Variants in CD3E observed in about 807,000 individuals in gnomAD.
CD3E encodes the protein T-cell surface glycoprotein CD3 epsilon chain.
Under a neutral mutation model 34.7 loss-of-function variants are expected in CD3E, and 16 were observed. That is an observed-to-expected ratio of 0.46 (90% CI 0.31 to 0.70). CD3E has a LOEUF of 0.70. Ranked by LOEUF, CD3E falls within the 30% of genes least tolerant of loss-of-function variation. CD3E has a pLI of 0.05. For missense variants in CD3E, 223 were observed against 253.9 expected, an observed-to-expected ratio of 0.88 and a Z score of 0.83; for synonymous variants, 70 against 90.8, an observed-to-expected ratio of 0.77 and a Z score of 1.30.
At chr11:118,313,589 C>T (rs1282869987) in intron 6 of CD3E, 118 bp from the exon 7 acceptor site, 3 of 922,648 alleles carry the variant, frequency 3.3e-6, no homozygotes, top group Admixed American at 1.9e-5. Flanking sequence ...GGGCTCTGAC[C>T]GTGGCAAGCG....
Position 118,315,699 on chromosome 11 carries a change from T to C in CD3E, c.*157T>C. 1 of 692,312 alleles carries C rather than the reference T, an allele frequency of 1.4e-6. No homozygotes were observed. The highest frequency in any genetic ancestry group is 2.6e-6 in the Non-Finnish European group (1 of 383,160). 42.9% of individuals were successfully genotyped at this position (692,312 alleles called of 1,614,324 possible). The stretch of plus-strand genomic sequence containing the variant: ...TCCAGCCTGATCCCCCGCTCCCTCC[T>C]CCCTGCCTTCTCTGCTGGTACCCAG... On this transcript the variant is annotated 3_prime_UTR_variant, in exon 9 of 9. Coordinates refer to ENST00000361763, the MANE Select transcript of CD3E (RefSeq NM_000733.4).
In CD3E at chr11:118,312,617, G is replaced by A. The variant is rs1174320977; in HGVS notation, c.104-1G>A. 1 of 1,613,956 alleles carries A rather than the reference G, an allele frequency of 6.2e-7. No homozygotes were observed. The highest frequency in any genetic ancestry group is 8.5e-7 in the Non-Finnish European group (1 of 1,180,026). ...TGCCAATTTCCCTTCTTTCTCCCCA[G>A]CATATAAAGTCTCCATCTCTGGAAC... On this transcript the variant is annotated splice_acceptor_variant, in intron 5 of 8. Coordinates refer to ENST00000361763, the MANE Select transcript of CD3E (RefSeq NM_000733.4). LOFTEE classifies it high-confidence loss of function.
intron 8 of CD3E, 34 bp downstream of exon 8, chr11:118,314,528 A>G: frequency 6.2e-7 from 1 of 1,601,510 alleles, no homozygotes. Flanking sequence ...AGGACGCTGG[A>G]GGGGATGTCC....
chr11:118,316,156 A>T lies in CD3E; in HGVS notation c.*614A>T, dbSNP rs1400420942. ...TCCTCAGCTGAGAGAGAAAAAAATA[A>T]ACTGTATTTGGCTGCAAGAGTTGCT... is the stretch of plus-strand genomic sequence containing the variant. On this transcript the variant is annotated 3_prime_UTR_variant, in exon 9 of 9. Coordinates refer to ENST00000361763, the MANE Select transcript of CD3E (RefSeq NM_000733.4). 6.5e-5 allele frequency: 10 copies of T among 154,408 alleles called. No individual in the cohort carries two copies. Among genetic ancestry groups the T allele is most frequent in the African/African-American group, 2.4e-4 (10 of 41,424 alleles). 9.6% of individuals were successfully genotyped at this position (154,408 alleles called of 1,614,324 possible).
chr11:118,315,859 G>T lies in CD3E; in HGVS notation c.*317G>T, dbSNP rs1948163796. The T allele has an allele frequency of 2.0e-6, 1 of 494,228 alleles. No homozygotes were observed. The highest frequency in any genetic ancestry group is 3.6e-6 in the Non-Finnish European group (1 of 274,280). 30.6% of individuals were successfully genotyped at this position (494,228 alleles called of 1,614,324 possible). On this transcript the variant is annotated 3_prime_UTR_variant, in exon 9 of 9. Transcript: ENST00000361763. ...CCTTTGGATGTAACTTCTCCGTTCA[G>T]TTCCCTCCTTTTCTTGCATGTAAGT...
Position 118,304,999 on chromosome 11 carries a change from C to T in CD3E, c.47C>T (p.Ser16Leu), listed in dbSNP as rs1472836910. ...HWRVLGLCLL[S>L]VGVWGQDGNE... The stretch of plus-strand genomic sequence containing the variant: ...AGAGTTCTGGGCCTCTGCCTCTTAT[C>T]AGGTGAGTAGGATGGAGTGGAAAGG... Residue 16 changes from serine to leucine, a missense_variant and splice_region_variant, in exon 2 of 9, where the codon TCA becomes TTA. By Grantham distance (145) the Ser-to-Leu change is moderately radical. Coordinates refer to ENST00000361763, the MANE Select transcript of CD3E (RefSeq NM_000733.4). 3 of 1,613,658 alleles carry T rather than the reference C, an allele frequency of 1.9e-6. No individual in the cohort carries two copies. The highest frequency in any genetic ancestry group is 2.7e-5 in the African/African-American group (2 of 74,926).
chr11:118,311,297 A>T (rs368026502), intron 4 of CD3E, among the ~76,000 whole-genome samples: 2 of 152,170 alleles, frequency 1.3e-5, no homozygotes, highest in Non-Finnish European at 2.9e-5. Flanking sequence ...TCCAGCCACA[A>T]GTTTTCCAGG....
In CD3E at chr11:118,315,503, G is replaced by A; in HGVS notation, c.585G>A (p.Gln195=). Reference sequence around the variant, plus strand: ...ACCCCCAGCCCATCCGGAAAGGCCAGCGGGACCTGTATTCTGGCCTGAATC... The same window carrying A: ...ACCCCCAGCCCATCCGGAAAGGCCAACGGGACCTGTATTCTGGCCTGAATC... ...NPDYEPIRKG[Q]RDLYSGLNQR... The change falls in exon 9 of 9, where the codon CAG becomes CAA. Residue 195 remains glutamine, a synonymous_variant. Coordinates refer to ENST00000361763, the MANE Select transcript of CD3E (RefSeq NM_000733.4). 2.5e-6 allele frequency: 4 copies of A among 1,613,574 alleles called. No homozygotes were observed. Among genetic ancestry groups the A allele is most frequent in the Non-Finnish European group, 3.4e-6 (4 of 1,179,886 alleles).
At chr11:118,306,563 T>C (rs905710137) in intron 2 of CD3E, among the ~76,000 whole-genome samples, 9 of 152,026 alleles carry the variant, frequency 5.9e-5, no homozygotes, top group African/African-American at 2.2e-4. Flanking sequence ...CCTCTAGACA[T>C]CTGGCATCAT....
Position 118,313,886 on chromosome 11 carries a change from G to A in CD3E, c.520+12G>A, listed in dbSNP as rs1948150665. The A allele has an allele frequency of 6.2e-7, 1 of 1,612,404 alleles. No individual in the cohort carries two copies. The highest frequency in any genetic ancestry group is 1.3e-5 in the African/African-American group (1 of 74,982). ...CGGCAGGCAAAGGGGTAAGGCTGTG[G>A]AGTCCAGTCAGAGGAGATTCCTGCC... On this transcript the variant is annotated intron_variant, in intron 7 of 8. Transcript: ENST00000361763.
chr11:118,313,833 A>C lies in CD3E; in HGVS notation c.479A>C (p.Lys160Thr). Residue 160 changes from lysine to threonine, a missense_variant, in exon 7 of 9, where the codon AAG becomes ACG. Lys to Thr is a moderately conservative substitution (Grantham distance 78). Coordinates refer to ENST00000361763, the MANE Select transcript of CD3E (RefSeq NM_000733.4). ...YWSKNRKAKA[K>T]PVTRGAGAGG... ...AGCAAGAATAGAAAGGCCAAGGCCA[A>C]GCCTGTGACACGAGGAGCGGGTGCT... is the stretch of plus-strand genomic sequence containing the variant. 6.2e-7 allele frequency: 1 copy of C among 1,614,006 alleles called. No individual in the cohort carries two copies. Among genetic ancestry groups the C allele is most frequent in the South Asian group, 1.1e-5 (1 of 91,078 alleles).
intron 5 of CD3E, 124 bp downstream of exon 5, chr11:118,312,294 C>A: frequency 1.0e-6 from 1 of 957,188 alleles, no homozygotes; most frequent in Non-Finnish European, 1.7e-6. Context: ...GCATTCTCAA[C>A]TCCATTTTAG....
chr11:118,312,890 T>A, intron 6 of CD3E, 24 bp downstream of exon 6: 1 of 1,613,868 alleles, frequency 6.2e-7, no homozygotes. Context: ...CCAGAACAGG[T>A]ACCACCGGCT....
At chr11:118,305,042 C>A (rs191114272) in intron 2 of CD3E, 41 bp downstream of exon 2, 2 of 1,578,262 alleles carry the variant, frequency 1.3e-6, no homozygotes, top group South Asian at 1.1e-5. Flanking sequence ...GTCTCCAGAC[C>A]GCTGGAAGGC....
chr11:118,313,992 C>G, intron 7 of CD3E, 118 bp downstream of exon 7: 1 of 922,056 alleles, frequency 1.1e-6, no homozygotes, highest in Admixed American at 2.0e-5. Flanking sequence ...CTTCTATGCA[C>G]AGCTTCTATT....
intron 8 of CD3E, among the ~76,000 whole-genome samples, chr11:118,315,026 C>T (rs886945962): frequency 1.3e-5 from 2 of 151,704 alleles, no homozygotes; most frequent in African/African-American, 4.8e-5. Context: ...AGTCCCTCCC[C>T]TACCGGGCTG....
intron 3 of CD3E, among the ~76,000 whole-genome samples, 163 bp from the exon 4 acceptor site, chr11:118,308,264 A>G (rs781316316): frequency 2.6e-5 from 4 of 152,206 alleles, no homozygotes; most frequent in African/African-American, 4.8e-5. Context: ...TAGTCATCAG[A>G]TAAGATGTAA....
At position 118,314,477 on chromosome 11, in the gene CD3E, C is replaced by T. The variant is rs1352510842; in HGVS notation, c.550C>T (p.Pro184Ser). ...AAACAAGGAGAGGCCACCACCTGTT[C>T]CCAACCCAGACTATGAGGTAACGTG... ...GQNKERPPPV[P>S]NPDYEPIRKG... The change falls in exon 8 of 9, where the codon CCC (proline) becomes TCC (serine). Residue 184 changes from proline (P) to serine (S), a missense_variant. Coordinates refer to ENST00000361763, the MANE Select transcript of CD3E (RefSeq NM_000733.4). 4 of 1,614,050 alleles carry T rather than the reference C, an allele frequency of 2.5e-6. No homozygotes were observed. The highest frequency in any genetic ancestry group is 3.4e-6 in the Non-Finnish European group (4 of 1,179,946).
chr11:118,314,867 T>A (rs1473723856), intron 8 of CD3E, among the ~76,000 whole-genome samples: 3 of 152,056 alleles, frequency 2.0e-5, no homozygotes, highest in Non-Finnish European at 2.9e-5. Context: ...TAAAATTATA[T>A]AAATATTATA....
Sources: allele counts gnomAD v4.1 joint callset (sites outside exome capture counted in the v4.1 genomes callset), GRCh38; gene constraint gnomAD v4.1.1; transcripts MANE v1.5; gene names NCBI Gene and HGNC (gene_info 2026-07-23, HGNC 2026-07-21).